AUTS2: variants seen among roughly 807,000 people sequenced by gnomAD.
AUTS2 encodes autism susceptibility gene 2 protein.
AUTS2 carries 17 observed loss-of-function variants against 112.4 expected under a neutral mutation model. That is an observed-to-expected ratio of 0.15 (90% CI 0.10 to 0.23). The LOEUF is 0.23. AUTS2 is among the 10% of genes least tolerant of loss of function. The pLI is 1.00. For missense variants in AUTS2, 1,510 were observed against 1,701.6 expected (o/e 0.89, Z 1.98); for synonymous variants, 751 against 702.7 (o/e 1.07, Z -1.09).
At chr7:70,743,616 G>T (rs938985295) in intron 6 of AUTS2, among the ~76,000 whole-genome samples, 1 of 152,034 alleles carries the variant, frequency 6.6e-6, no homozygotes, top group Non-Finnish European at 1.5e-5. Flanking sequence ...AGCATTTGTC[G>T]TGCATTGATC....
chr7:70,222,826 C>T (rs556427473), intron 4 of AUTS2, among the ~76,000 whole-genome samples: 17 of 151,282 alleles, frequency 1.1e-4, no homozygotes, highest in African/African-American at 4.1e-4. Context: ...CAAACCAACT[C>T]ATAAAATATT....
chr7:70,279,030 G>T (rs754934698), intron 4 of AUTS2, among the ~76,000 whole-genome samples: 1 of 152,168 alleles, frequency 6.6e-6, no homozygotes, highest in Non-Finnish European at 1.5e-5. Flanking sequence ...TTTATTTTCT[G>T]TCTTTGTGAA....
intron 5 of AUTS2, among the ~76,000 whole-genome samples, chr7:70,545,547 T>G (rs1400079192): frequency 6.6e-6 from 1 of 152,256 alleles, no homozygotes; most frequent in South Asian, 2.1e-4. Flanking sequence ...TCATTCACCC[T>G]TCTGTGGATG....
intron 1 of AUTS2, among the ~76,000 whole-genome samples, chr7:69,847,137 C>T (rs1270059186): frequency 6.6e-6 from 1 of 152,138 alleles, no homozygotes; most frequent in Non-Finnish European, 1.5e-5. Context: ...AATATTATTA[C>T]TTGTCCTGTC....
intron 2 of AUTS2, among the ~76,000 whole-genome samples, chr7:70,022,677 T>C (rs1266930391): frequency 6.6e-6 from 1 of 151,996 alleles, no homozygotes; most frequent in African/African-American, 2.4e-5. Flanking sequence ...TAGGGGCTTA[T>C]TAAATAAGTG....
chr7:70,496,603 ACC>A (rs1490218792), intron 5 of AUTS2, among the ~76,000 whole-genome samples: 2 of 89,460 alleles, frequency 2.2e-5, no homozygotes, highest in African/African-American at 8.8e-5. Flanking sequence ...TCAATCACAC[ACC>A]CCACTCACAC....
chr7:70,554,623 G>C (rs1801170937), intron 5 of AUTS2, among the ~76,000 whole-genome samples: 2 of 152,120 alleles, frequency 1.3e-5, no homozygotes, highest in African/African-American at 4.8e-5. Flanking sequence ...GGCCTCTCGG[G>C]AGATTTCTCT....
intron 5 of AUTS2, among the ~76,000 whole-genome samples, chr7:70,581,108 C>T (rs543599573): frequency 2.0e-5 from 3 of 152,180 alleles, no homozygotes; most frequent in South Asian, 2.1e-4. Flanking sequence ...TAAGGCCGGG[C>T]GTAGTGGCTC....
At chr7:70,570,490 A>C (rs368202964) in intron 5 of AUTS2, among the ~76,000 whole-genome samples, 1 of 152,116 alleles carries the variant, frequency 6.6e-6, no homozygotes, top group African/African-American at 2.4e-5. Context: ...CCAAACCTTC[A>C]ATCTCATCTT....
At chr7:69,727,078 A>G (rs547339038) in intron 1 of AUTS2, among the ~76,000 whole-genome samples, 35 of 152,256 alleles carry the variant, frequency 2.3e-4, no homozygotes, top group African/African-American at 8.2e-4. Context: ...ATCCTCACTA[A>G]GAAATCTTTT....
At chr7:69,722,160 A>AT (rs555466022) in intron 1 of AUTS2, among the ~76,000 whole-genome samples, 1 of 152,170 alleles carries the variant, frequency 6.6e-6, no homozygotes, top group South Asian at 2.1e-4. Context: ...GCAAAAAAAA[A>AT]AAAAATAAAA....
At position 70,429,371 on chromosome 7, in the gene AUTS2, T is replaced by G. The variant is rs186270433; in HGVS notation, c.661-6381T>G. On this transcript the variant is annotated intron_variant, in intron 4 of 18. Transcript: ENST00000342771. The stretch of plus-strand genomic sequence containing the variant: ...AACGGCAGTACAGTTTTGTAAGGGA[T>G]GGAGATAGAAGCAATTAAGTCTTTC... Among the ~76,000 whole-genome samples, 47 of 152,282 alleles carry G rather than the reference T, an allele frequency of 3.1e-4. No homozygotes were observed. In the East Asian group the frequency reaches 6.6e-3, roughly 21 times the overall value.
At chr7:70,760,949 C>G (rs929817588) in intron 6 of AUTS2, among the ~76,000 whole-genome samples, 1 of 152,154 alleles carries the variant, frequency 6.6e-6, no homozygotes, top group African/African-American at 2.4e-5. Context: ...TTGTTCCAGG[C>G]TGTTTGGAGA....
At chr7:70,533,232 C>T (rs1800168887) in intron 5 of AUTS2, among the ~76,000 whole-genome samples, 1 of 152,184 alleles carries the variant, frequency 6.6e-6, no homozygotes, top group Non-Finnish European at 1.5e-5. Flanking sequence ...CCTCCTGCCT[C>T]AGCCTCCCTA....
chr7:69,653,812 C>T (rs999462456), intron 1 of AUTS2, among the ~76,000 whole-genome samples: 3 of 152,162 alleles, frequency 2.0e-5, no homozygotes, highest in African/African-American at 4.8e-5. Context: ...TGACCTGAGG[C>T]TCACCCTGCC....
chr7:69,631,429 C>T (rs904687198), intron 1 of AUTS2, among the ~76,000 whole-genome samples: 2 of 152,166 alleles, frequency 1.3e-5, no homozygotes, highest in African/African-American at 4.8e-5. Context: ...AGGGTCAGAA[C>T]AAGACCAAGG....
chr7:70,002,789 T>G (rs1011558278), intron 2 of AUTS2, among the ~76,000 whole-genome samples: 1 of 152,064 alleles, frequency 6.6e-6, no homozygotes, highest in Non-Finnish European at 1.5e-5. Context: ...ACATTGAAGG[T>G]AAGATTTGCC....
intron 4 of AUTS2, among the ~76,000 whole-genome samples, chr7:70,325,070 T>A (rs890907408): frequency 6.6e-6 from 1 of 152,154 alleles, no homozygotes; most frequent in African/African-American, 2.4e-5. Context: ...TTTGCCCTTA[T>A]TCCAGTGCTA....
intron 4 of AUTS2, among the ~76,000 whole-genome samples, chr7:70,316,428 CAG>C (rs200024324): frequency 8.0e-6 from 1 of 124,746 alleles, no homozygotes; most frequent in Non-Finnish European, 1.6e-5. Context: ...TTTTTTGAGA[CAG>C]AGTCACTCTG....
Sources: gnomAD v4.1 joint callset for allele counts (sites outside exome capture counted in the v4.1 genomes callset) on GRCh38, gnomAD v4.1.1 for gene constraint, MANE v1.5 for transcripts, NCBI Gene and HGNC (gene_info 2026-07-23, HGNC 2026-07-21) for gene names.